Variants in CFAP20DC observed in about 807,000 individuals in gnomAD.
CFAP20DC encodes the protein CFAP20 domain containing, also known as protein CFAP20DC.
CFAP20DC carries 84 observed loss-of-function variants against 101.7 expected under a neutral mutation model. That is an observed-to-expected ratio of 0.83 (90% CI 0.69 to 0.99). The LOEUF (loss-of-function observed/expected upper bound fraction) is 0.99. Ranked by LOEUF, CFAP20DC falls within the 50% of genes least tolerant of loss-of-function variation. The probability of loss-of-function intolerance (pLI) is 0.00; values close to 1 mark genes in which losing one functional copy is unlikely to be tolerated. For missense variants in CFAP20DC, 1,007 were observed against 970.3 expected (o/e 1.04, Z -0.50); for synonymous variants, 359 against 351.2 (o/e 1.02, Z -0.25).
intron 4 of CFAP20DC, chr3:59,017,785 A>T (rs1160811266): frequency 6.6e-6 from 1 of 152,082 alleles, no homozygotes; most frequent in Non-Finnish European, 1.5e-5. Context: ...ATTATTGGAA[A>T]CCACAGAGGT....
intron 5 of CFAP20DC, among the ~76,000 whole-genome samples, chr3:58,933,531 T>C (rs1488411424): frequency 6.6e-6 from 1 of 152,178 alleles, no homozygotes; most frequent in African/African-American, 2.4e-5. Flanking sequence ...AGTAAAGCTC[T>C]CCTCAGCAAA....
At chr3:58,924,756 A>C (rs2085760814) in intron 5 of CFAP20DC, among the ~76,000 whole-genome samples, 1 of 152,096 alleles carries the variant, frequency 6.6e-6, no homozygotes, top group Non-Finnish European at 1.5e-5. Context: ...TTGACTTTTT[A>C]ATAATAGCTA....
chr3:58,891,172 C>T (rs1378832674), intron 6 of CFAP20DC, among the ~76,000 whole-genome samples: 3 of 152,036 alleles, frequency 2.0e-5, no homozygotes, highest in Admixed American at 6.5e-5. Context: ...TCTGCAATCC[C>T]GGCACCTTGG....
At chr3:58,900,178 C>T (rs556377830) in intron 6 of CFAP20DC, among the ~76,000 whole-genome samples, 4 of 152,296 alleles carry the variant, frequency 2.6e-5, no homozygotes, top group South Asian at 2.1e-4. Flanking sequence ...GACTCTGGTG[C>T]ATTCTAGGAA....
chr3:58,763,490 C>CGCCATGGGTTTGAACTTCCT (rs1172086480), intron 15 of CFAP20DC, among the ~76,000 whole-genome samples: 1 of 152,124 alleles, frequency 6.6e-6, no homozygotes, highest in African/African-American at 2.4e-5. Flanking sequence ...TGAACTTCCT[C>CGCCATGGGTTTGAACTTCCT]CTTTAGCTCA....
chr3:59,017,621 C>T (rs2093717285), intron 4 of CFAP20DC: 1 of 152,086 alleles, frequency 6.6e-6, no homozygotes, highest in South Asian at 2.1e-4. Context: ...TTGTTGGATA[C>T]CAGAAAAGTC....
rs560278016 is a variant in CFAP20DC, at chr3:58,734,772, C to CT, written c.198-17145dup. ...ACCATGTCACCTCACTGTGCATCCA[C>CT]TGTTTCAGTTCCTTCACAGCCCAAA... On this transcript the variant is annotated intron_variant, in intron 3 of 3. Coordinates refer to the CFAP20DC transcript ENST00000486145. 4.5e-3 allele frequency among the ~76,000 whole-genome samples: 689 copies of CT among 152,316 alleles called. 5 individuals carry two copies. Among genetic ancestry groups the CT allele is most frequent in the African/African-American group, 0.016 (651 of 41,576 alleles).
chr3:58,794,093 G>T (rs747255113), intron 15 of CFAP20DC: 5 of 222,946 alleles, frequency 2.2e-5, no homozygotes, highest in Non-Finnish European at 4.8e-5. Context: ...ATTTGGTCTC[G>T]CTTGTTACTG....
intron 13 of CFAP20DC, among the ~76,000 whole-genome samples, chr3:58,847,331 C>T (rs1324084920): frequency 1.5e-4 from 22 of 145,724 alleles, no homozygotes; most frequent in African/African-American, 5.2e-4. Context: ...AAAAAACAAA[C>T]AACCCCATCA....
At position 59,006,130 on chromosome 3, in the gene CFAP20DC, A is replaced by AGGATGGAT. The variant is rs576812880; in HGVS notation, c.278+33419_278+33426dup. Among the ~76,000 whole-genome samples the AGGATGGAT allele has an allele frequency of 1.4e-3, 218 of 152,128 alleles. No individual in the cohort carries two copies. The highest frequency in any genetic ancestry group is 5.1e-3 in the African/African-American group (211 of 41,496). On this transcript the variant is annotated intron_variant, in intron 4 of 16. Coordinates refer to ENST00000482387, the MANE Select transcript of CFAP20DC (RefSeq NM_001394063.1). The surrounding 1 kb of genome is among the most constrained non-coding windows in gnomAD (Gnocchi z 4.3). ...ATATATACACACATCTATACATGGA[A>AGGATGGAT]GGATGGATGGATGGATGGATGGATG...
intron 3 of CFAP20DC, among the ~76,000 whole-genome samples, chr3:58,736,355 T>A (rs1168023087): frequency 6.6e-6 from 1 of 152,178 alleles, no homozygotes; most frequent in African/African-American, 2.4e-5. Flanking sequence ...ATGGTGAAAT[T>A]TTGATTGATT....
chr3:58,790,493 C>T (rs1053427369), intron 15 of CFAP20DC, among the ~76,000 whole-genome samples: 2 of 152,122 alleles, frequency 1.3e-5, no homozygotes, highest in Non-Finnish European at 2.9e-5. Context: ...ACCCCAGGTT[C>T]CATGAGCAGA....
chr3:58,829,912 T>C (rs2076284647), intron 14 of CFAP20DC, among the ~76,000 whole-genome samples: 1 of 152,186 alleles, frequency 6.6e-6, no homozygotes, highest in Non-Finnish European at 1.5e-5. Flanking sequence ...CTGTTCTCTT[T>C]CTTACTTGCA....
chr3:59,026,261 C>T (rs1325440617), intron 4 of CFAP20DC, among the ~76,000 whole-genome samples: 1 of 152,030 alleles, frequency 6.6e-6, no homozygotes, highest in Admixed American at 6.6e-5. Flanking sequence ...AATGTTATTA[C>T]CACTTTAGTG....
downstream of CFAP20DC, among the ~76,000 whole-genome samples, chr3:58,738,818 T>C (rs755615239): frequency 6.6e-6 from 1 of 152,220 alleles, no homozygotes; most frequent in Non-Finnish European, 1.5e-5. The surrounding 1 kb of genome is among the most constrained non-coding windows in gnomAD (Gnocchi z 4.4). Flanking sequence ...TCACAGGGTG[T>C]AACCTGGAAC....
At chr3:58,854,568 C>G (rs910823111) in intron 12 of CFAP20DC, among the ~76,000 whole-genome samples, 2 of 152,186 alleles carry the variant, frequency 1.3e-5, no homozygotes, top group Non-Finnish European at 2.9e-5. Context: ...AGGCATCAGG[C>G]TACCTGAGTT....
chr3:58,752,181 A>T (rs1426044419), intron 16 of CFAP20DC, among the ~76,000 whole-genome samples: 1 of 152,144 alleles, frequency 6.6e-6, no homozygotes, highest in East Asian at 1.9e-4. Context: ...TGATGGTGTT[A>T]ATTAACTACA....
At chr3:59,022,512 T>C (rs1236758381) in intron 4 of CFAP20DC, among the ~76,000 whole-genome samples, 1 of 152,140 alleles carries the variant, frequency 6.6e-6, no homozygotes, top group African/African-American at 2.4e-5. Flanking sequence ...TAATCATATA[T>C]GGTTTTAAAT....
intron 3 of CFAP20DC, among the ~76,000 whole-genome samples, chr3:58,718,087 G>T (rs369180191): frequency 6.6e-6 from 1 of 152,134 alleles, no homozygotes; most frequent in South Asian, 2.1e-4. Context: ...TGCCTGGCCT[G>T]GTTAGGTATG....
Sources: allele counts gnomAD v4.1 joint callset (sites outside exome capture counted in the v4.1 genomes callset), GRCh38; gene constraint gnomAD v4.1.1; non-coding constraint Gnocchi (gnomAD v3.1); transcripts MANE v1.5; gene names NCBI Gene and HGNC (gene_info 2026-07-23, HGNC 2026-07-21).